The following DBR1 variants were observed in gnomAD, a reference collection of about 807,000 sequenced individuals.
DBR1 encodes the protein debranching RNA lariats 1.
DBR1 carries 33 observed loss-of-function variants against 45.9 expected under a neutral mutation model. The observed-to-expected ratio is 0.72, with a 90% CI of 0.55 to 0.96. DBR1 has a LOEUF of 0.96. Among genes scored for constraint, DBR1 ranks in the 40% least tolerant of loss-of-function variants. The pLI is 0.00. For missense variants in DBR1, 619 were observed against 667.4 expected, an observed-to-expected ratio of 0.93 and a Z score of 0.80; for synonymous variants, 235 against 235.9, an observed-to-expected ratio of 1.00 and a Z score of 0.04.
Position 138,163,780 on chromosome 3 carries a change from G to A in DBR1, c.793C>T (p.Gln265Ter), listed in dbSNP as rs759763750. The A allele has an allele frequency of 2.5e-6, 4 of 1,608,698 alleles. No homozygotes were observed. In the Admixed American group the frequency reaches 6.7e-5, roughly 27 times the overall value. The change falls in exon 6 of 8, where the codon CAG becomes TAG. Residue 265 changes from glutamine to a stop codon, truncating the protein, a stop_gained and splice_region_variant. Coordinates refer to ENST00000260803, the MANE Select transcript of DBR1 (RefSeq NM_016216.4). LOFTEE classifies it high-confidence loss of function. ...TAAAGCCACTTCACTCTTCTTACCT[G>A]AAGAAAATCTCTATGTGGTAAGCAT... is the stretch of plus-strand genomic sequence containing the variant. Reference protein sequence around the residue: ...DKCLPHRDFLQILEIEHDPSA... With the variant: ...DKCLPHRDFL
Position 138,161,776 on chromosome 3 carries a change from G to C in DBR1, c.*113C>G, listed in dbSNP as rs945720007. The C allele has an allele frequency of 9.4e-5, 76 of 808,096 alleles. No homozygotes were observed. The highest frequency in any genetic ancestry group is 1.4e-4 in the Non-Finnish European group (68 of 492,968). 50.1% of individuals were successfully genotyped at this position (808,096 alleles called of 1,614,324 possible). On this transcript the variant is annotated 3_prime_UTR_variant, in exon 8 of 8. Transcript: ENST00000260803. The stretch of plus-strand genomic sequence containing the variant: ...CAGGAGAATTGCTTGAACCTGGGAG[G>C]CGGAGGTTGCGGTGAGCCGAGATCA...
chr3:138,174,158 C>T (rs2042967943), intron 1 of DBR1, among the ~76,000 whole-genome samples: 1 of 152,060 alleles, frequency 6.6e-6, no homozygotes, highest in Non-Finnish European at 1.5e-5. Context: ...TTGCCATAAC[C>T]TCATCTTCTA....
At chr3:138,168,714 T>C (rs2042941358) in intron 4 of DBR1, among the ~76,000 whole-genome samples, 1 of 151,970 alleles carries the variant, frequency 6.6e-6, no homozygotes, top group African/African-American at 2.4e-5. Context: ...CCCAGCACTT[T>C]CGGAGGCCAA....
At position 138,174,663 on chromosome 3, in the gene DBR1, T is replaced by C. The variant is rs756961219; in HGVS notation, c.133A>G (p.Asn45Asp). 6.2e-7 allele frequency: 1 copy of C among 1,612,830 alleles called. No homozygotes were observed. Among genetic ancestry groups the C allele is most frequent in the East Asian group, 2.2e-5 (1 of 44,842 alleles). The stretch of plus-strand genomic sequence containing the variant: ...GCCATGCAGCGTAGATCCGCCTCGT[T>C]GCGCACCGCCTGGAAGTCGCCGCAG... Reference protein sequence around the residue: ...LCCGDFQAVRNEADLRCMAVP... With the variant: ...LCCGDFQAVRDEADLRCMAVP... Residue 45 changes from asparagine to aspartate, a missense_variant, in exon 1 of 8, where the codon AAC (asparagine) becomes GAC (aspartate). Transcript: ENST00000260803.
At chr3:138,171,398 C>A (rs182165100) in intron 3 of DBR1, 24 of 296,602 alleles carry the variant, frequency 8.1e-5, no homozygotes, top group Non-Finnish European at 9.2e-5. Flanking sequence ...TGGCTTGAAC[C>A]TGGGAGGTGG....
chr3:138,165,966 C>T, intron 5 of DBR1, among the ~76,000 whole-genome samples: 1 of 152,214 alleles, frequency 6.6e-6, no homozygotes, highest in African/African-American at 2.4e-5. Context: ...AAATCCACAA[C>T]AGAAAGGGCG....
intron 5 of DBR1, among the ~76,000 whole-genome samples, chr3:138,165,342 T>A (rs546161617): frequency 6.6e-6 from 1 of 152,202 alleles, no homozygotes. Context: ...ATATCCTTAA[T>A]CCAAAAATCT....
In DBR1 at chr3:138,173,604, C is replaced by T. The variant is rs369089380; in HGVS notation, c.220G>A (p.Ala74Thr). ...FYRYYSGEKK[A>T]PVLTLFIGGN... is the part of the protein sequence containing the mutation. ...CCAATGAAGAGCGTGAGAACTGGAG[C>T]CTTTTTCTCTCCAGAGTAATACCTA... is the stretch of plus-strand genomic sequence containing the variant. The change falls in exon 2 of 8, where the codon GCT becomes ACT. Residue 74 changes from alanine (A) to threonine (T), a missense_variant. This residue lies in a region of DBR1 where 430 missense variants were observed against 447.7 expected (regional missense o/e 0.96). Transcript: ENST00000260803. The T allele has an allele frequency of 2.5e-6, 4 of 1,613,656 alleles. No individual in the cohort carries two copies. Among genetic ancestry groups the T allele is most frequent in the Non-Finnish European group, 3.4e-6 (4 of 1,179,770 alleles).
rs2042912836 is a variant in DBR1 at position 138,162,499 on chromosome 3, C to A, written c.1025G>T (p.Ser342Ile). Residue 342 changes from serine to isoleucine, a missense_variant, in exon 8 of 8, where the codon AGT becomes ATT. Around this residue, in one of 3 missense-constraint regions of DBR1, gnomAD observed 430 missense variants for 447.7 expected, o/e 0.96. Coordinates refer to ENST00000260803, the MANE Select transcript of DBR1 (RefSeq NM_016216.4). ...AGGATCATAACAAGCAGCTGTTACA[C>A]TAAAGTTACATGGAACCTTGAGATC... ...NHDLKVPCNF[S>I]VTAACYDPSK... is the part of the protein sequence containing the mutation. 1 of 1,613,992 alleles carries A rather than the reference C, an allele frequency of 6.2e-7. No homozygotes were observed. Among genetic ancestry groups the A allele is most frequent in the African/African-American group, 1.3e-5 (1 of 74,938 alleles).
rs1457867827 is a variant in DBR1, at chr3:138,174,772, GCAGC to G, written c.20_23del (p.Gly7AlafsTer100). The G allele has an allele frequency of 6.2e-7, 1 of 1,611,038 alleles. No homozygotes were observed. Among genetic ancestry groups the G allele is most frequent in the Non-Finnish European group, 8.5e-7 (1 of 1,179,544 alleles). On this transcript the variant is annotated frameshift_variant, in exon 1 of 8. Transcript: ENST00000260803. LOFTEE classifies it high-confidence loss of function. ...AGATCTTATCCAGCTCGCCGTGGCA[GCAGC>G]CAGCCACAGCCACCCGCATTCTGCC...
chr3:138,167,685 C>T lies in DBR1; in HGVS notation c.490-380G>A, dbSNP rs964381849. Among the ~76,000 whole-genome samples the T allele has an allele frequency of 5.3e-5, 8 of 152,308 alleles. No homozygotes were observed. The East Asian group carries it at 1.4e-3, about 26-fold the overall frequency. On this transcript the variant is annotated intron_variant, in intron 4 of 7. Coordinates refer to ENST00000260803, the MANE Select transcript of DBR1 (RefSeq NM_016216.4). ...TTTGGGCCGGGCGCGGTGGCTCACG[C>T]CTATAATCCCAGCACTTTGGGAGGC... is the stretch of plus-strand genomic sequence containing the variant.
intron 2 of DBR1, among the ~76,000 whole-genome samples, chr3:138,172,932 G>A (rs74576268): frequency 6.6e-6 from 1 of 152,018 alleles, no homozygotes; most frequent in East Asian, 1.9e-4. Flanking sequence ...CCACGAACAT[G>A]GCAATAGATA....
intron 4 of DBR1, among the ~76,000 whole-genome samples, chr3:138,169,066 G>A (rs1028209098): frequency 1.1e-4 from 16 of 152,144 alleles, no homozygotes; most frequent in Admixed American, 6.6e-4. Context: ...CTATTTAAGG[G>A]AACTGTATGC....
intron 4 of DBR1, among the ~76,000 whole-genome samples, chr3:138,168,256 G>T (rs1386732583): frequency 6.6e-6 from 1 of 152,118 alleles, no homozygotes; most frequent in Non-Finnish European, 1.5e-5. Flanking sequence ...AGTGGCTCAC[G>T]CCTGTAATCC....
At position 138,162,022 on chromosome 3, in the gene DBR1, T is replaced by C; in HGVS notation, c.1502A>G (p.Asn501Ser). ...TGGCACCTTGGTTAAGTCCTCTCCA[T>C]TCCCTGACTCCACAGTCCCACCAGG... ...GKPGGTVESG[N>S]GEDLTKVPLK... The change falls in exon 8 of 8, where the codon AAT becomes AGT. Residue 501 changes from asparagine to serine, a missense_variant. Physicochemically the swap from Asn to Ser is conservative, Grantham distance 46 (BLOSUM62 1). Coordinates refer to ENST00000260803, the MANE Select transcript of DBR1 (RefSeq NM_016216.4). 1 of 1,614,132 alleles carries C rather than the reference T, an allele frequency of 6.2e-7. No homozygotes were observed. The highest frequency in any genetic ancestry group is 1.6e-4 in the Middle Eastern group (1 of 6,062).
intron 3 of DBR1, 27 bp from the exon 4 acceptor site, chr3:138,170,219 A>G: frequency 1.4e-6 from 2 of 1,423,638 alleles, no homozygotes; most frequent in Non-Finnish European, 9.8e-7. Flanking sequence ...AAAATAAGCT[A>G]TATTTAATTT....
chr3:138,170,152 C>T lies in DBR1; in HGVS notation c.444G>A (p.Arg148=). ...CAATATTTCTCACATGATATATACT[C>T]CTGATTGTAGATGAATTATAAGGGG... is the stretch of plus-strand genomic sequence containing the variant. ...ECPPYNSSTI[R]SIYHVRNIEV... Residue 148 remains arginine (R), a synonymous_variant, in exon 4 of 8, where the codon AGG becomes AGA. Transcript: ENST00000260803. The T allele has an allele frequency of 4.4e-6, 7 of 1,599,894 alleles. No individual in the cohort carries two copies. The South Asian group carries it at 7.9e-5, about 18-fold the overall frequency.
chr3:138,162,003 C>T lies in DBR1; in HGVS notation c.1521G>A (p.Lys507=), dbSNP rs745961695. ...CATCACTCAGCCTCTTCAATGGCAC[C>T]TTGGTTAAGTCCTCTCCATTCCCTG... is the stretch of plus-strand genomic sequence containing the variant. ...VESGNGEDLT[K]VPLKRLSDEH... Residue 507 remains lysine (K), a synonymous_variant, in exon 8 of 8, where the codon AAG becomes AAA. Transcript: ENST00000260803. 6.2e-7 allele frequency: 1 copy of T among 1,614,110 alleles called. No homozygotes were observed. Among genetic ancestry groups the T allele is most frequent in the Admixed American group, 1.7e-5 (1 of 60,012 alleles).
At chr3:138,170,330 T>A in intron 3 of DBR1, 138 bp from the exon 4 acceptor site, 1 of 574,248 alleles carries the variant, frequency 1.7e-6, no homozygotes, top group South Asian at 2.4e-5. Flanking sequence ...GGAAATTTTT[T>A]AAAAAGATGG....
Sources: gnomAD v4.1 joint callset for allele counts (sites outside exome capture counted in the v4.1 genomes callset) on GRCh38, gnomAD v4.1.1 for gene constraint, gnomAD v4.1.1 regional missense constraint, MANE v1.5 for transcripts, NCBI Gene and HGNC (gene_info 2026-07-23, HGNC 2026-07-21) for gene names.